The following DMRT1 variants were observed in gnomAD, a reference collection of about 807,000 sequenced individuals.
DMRT1 encodes doublesex and mab-3 related transcription factor 1.
DMRT1 carries 7 observed loss-of-function variants against 32.3 expected under a neutral mutation model. The ratio of observed to expected loss-of-function variants is 0.22; its 90% CI spans 0.12 to 0.41. The LOEUF is 0.41. Among genes scored for constraint, DMRT1 ranks in the 10% least tolerant of loss-of-function variants. The pLI is 1.00. For synonymous variants in DMRT1, 278 were observed against 206.1 expected (o/e 1.35, Z -2.99); for missense variants, 625 against 500.5 (o/e 1.25, Z -2.37).
Position 934,033 on chromosome 9 carries a change from AAAAGATGATG to A in DMRT1, c.967+17131_967+17140del, listed in dbSNP as rs571934392. ...GTGATGCACACTTAAGAAAAAAAAA[AAAAGATGATG>A]AAAGTGAGTAACTCAGCTAGAACTT... On this transcript the variant is annotated intron_variant, in intron 4 of 4. Coordinates refer to ENST00000382276, the MANE Select transcript of DMRT1 (RefSeq NM_021951.3). 3.1e-3 allele frequency among the ~76,000 whole-genome samples: 474 copies of A among 152,250 alleles called. 3 individuals are homozygous for A. Among genetic ancestry groups the A allele is most frequent in the Middle Eastern group, 0.01 (3 of 294 alleles).
chr9:853,760 C>A (rs1395802278), intron 2 of DMRT1, among the ~76,000 whole-genome samples: 2 of 151,650 alleles, frequency 1.3e-5, no homozygotes, highest in African/African-American at 4.8e-5. Context: ...CTGCCTCGGC[C>A]TCCCAAAATG....
chr9:883,037 G>T (rs1041249824), intron 2 of DMRT1, among the ~76,000 whole-genome samples: 3 of 151,810 alleles, frequency 2.0e-5, no homozygotes, highest in African/African-American at 7.3e-5. Flanking sequence ...CTCTCAAAGT[G>T]CTGGGATTAC....
chr9:904,138 T>C (rs1048504294), intron 3 of DMRT1, among the ~76,000 whole-genome samples: 3 of 152,208 alleles, frequency 2.0e-5, no homozygotes, highest in Non-Finnish European at 4.4e-5. Flanking sequence ...GTAAATAATA[T>C]AGTCATTTGG....
chr9:878,502 C>G (rs756183218), intron 2 of DMRT1, among the ~76,000 whole-genome samples: 1 of 152,056 alleles, frequency 6.6e-6, no homozygotes, highest in East Asian at 1.9e-4. Context: ...CCCGCATTTC[C>G]TGATTATGAC....
intron 2 of DMRT1, among the ~76,000 whole-genome samples, chr9:859,686 C>A (rs1815568482): frequency 1.3e-5 from 2 of 152,188 alleles, no homozygotes; most frequent in African/African-American, 4.8e-5. Context: ...TCTAAAACGT[C>A]TGCAGGCAGA....
At chr9:853,172 C>A (rs535829468) in intron 2 of DMRT1, among the ~76,000 whole-genome samples, 1 of 152,112 alleles carries the variant, frequency 6.6e-6, no homozygotes, top group Non-Finnish European at 1.5e-5. Flanking sequence ...CCAACACATG[C>A]AGAGCCTCTC....
chr9:866,799 G>A (rs12336182), intron 2 of DMRT1, among the ~76,000 whole-genome samples: 32,614 of 152,058 alleles, frequency 0.21, 3,875 homozygotes, highest in East Asian at 0.41. Flanking sequence ...CTTGATGAGG[G>A]TGGTGTTCAT....
intron 4 of DMRT1, among the ~76,000 whole-genome samples, chr9:954,839 A>G (rs1819545927): frequency 1.3e-5 from 2 of 152,004 alleles, no homozygotes; most frequent in East Asian, 3.9e-4. Flanking sequence ...ACAGGGTTTC[A>G]CCATGTTGGC....
intron 3 of DMRT1, among the ~76,000 whole-genome samples, chr9:895,801 CTTTTTTTTTT>C (rs1187539144): frequency 1.6e-5 from 2 of 121,984 alleles, no homozygotes; most frequent in African/African-American, 3.2e-5. Flanking sequence ...ATAACTGAAA[CTTTTTTTTTT>C]TTTTTTTTTT....
At chr9:937,926 C>T (rs1818940369) in intron 4 of DMRT1, among the ~76,000 whole-genome samples, 2 of 151,600 alleles carry the variant, frequency 1.3e-5, no homozygotes, top group Non-Finnish European at 2.9e-5. Context: ...ATTGTCAAAT[C>T]CAAGGTTATA....
At chr9:877,115 G>A (rs902086181) in intron 2 of DMRT1, among the ~76,000 whole-genome samples, 3 of 152,202 alleles carry the variant, frequency 2.0e-5, no homozygotes, top group Non-Finnish European at 4.4e-5. Context: ...TCTGTGAAAG[G>A]CTATTGGATT....
chr9:894,297 C>CT, intron 3 of DMRT1, 102 bp downstream of exon 3: 3 of 1,296,792 alleles, frequency 2.3e-6, no homozygotes, highest in Non-Finnish European at 3.3e-6. Flanking sequence ...ACTTGTGCGC[C>CT]CAGAGGCACA....
At chr9:948,652 A>G (rs1318464728) in intron 4 of DMRT1, among the ~76,000 whole-genome samples, 5 of 152,114 alleles carry the variant, frequency 3.3e-5, no homozygotes, top group African/African-American at 4.8e-5. Context: ...CAAGCAGCTT[A>G]CACTGTGTTG....
chr9:957,146 C>G, intron 4 of DMRT1, among the ~76,000 whole-genome samples: 1 of 152,050 alleles, frequency 6.6e-6, no homozygotes, highest in Non-Finnish European at 1.5e-5. Flanking sequence ...TATGTCCATA[C>G]CCAATGGAAC....
At chr9:930,879 C>T (rs1253754322) in intron 4 of DMRT1, among the ~76,000 whole-genome samples, 3 of 152,148 alleles carry the variant, frequency 2.0e-5, no homozygotes, top group Non-Finnish European at 2.9e-5. Context: ...AAATATAACT[C>T]ATATACCATA....
intron 3 of DMRT1, 193 bp downstream of exon 3, chr9:894,388 A>G (rs1817273140): frequency 1.5e-6 from 1 of 646,864 alleles, no homozygotes; most frequent in Non-Finnish European, 2.8e-6. Flanking sequence ...CAAAATGTGT[A>G]AGGAATTTTT....
chr9:893,238 A>G (rs1032478054), intron 2 of DMRT1, among the ~76,000 whole-genome samples: 3 of 152,240 alleles, frequency 2.0e-5, no homozygotes, highest in Non-Finnish European at 2.9e-5. Flanking sequence ...GGAATTGACA[A>G]TAAACACTTT....
chr9:876,313 G>T (rs369496482), intron 2 of DMRT1, among the ~76,000 whole-genome samples: 1 of 152,272 alleles, frequency 6.6e-6, no homozygotes, highest in South Asian at 2.1e-4. Context: ...CTTTGGGCCA[G>T]TGGGAAGTGA....
chr9:842,164 C>G lies in DMRT1; in HGVS notation c.326C>G (p.Ala109Gly). The change falls in exon 1 of 5, where the codon GCC (alanine) becomes GGC (glycine). Residue 109 changes from alanine (A) to glycine (G), a missense_variant. Around this residue, in one of 3 missense-constraint regions of DMRT1, gnomAD observed 8 missense variants for 27.0 expected, o/e 0.30. Coordinates refer to ENST00000382276, the MANE Select transcript of DMRT1 (RefSeq NM_021951.3). ...CAGTGCAAGAAGTGCAACCTGATCG[C>G]CGAGAGGCAGCGCGTGATGGCCGCG... ...DCQCKKCNLI[A>G]ERQRVMAAQV... 6.5e-7 allele frequency: 1 copy of G among 1,546,442 alleles called. No homozygotes were observed. The highest frequency in any genetic ancestry group is 8.7e-7 in the Non-Finnish European group (1 of 1,151,510).
Sources: gnomAD v4.1 joint callset for allele counts (sites outside exome capture counted in the v4.1 genomes callset) on GRCh38, gnomAD v4.1.1 for gene constraint, gnomAD v4.1.1 regional missense constraint, MANE v1.5 for transcripts, NCBI Gene and HGNC (gene_info 2026-07-23, HGNC 2026-07-21) for gene names.